Variants in ATAD1 observed in about 807,000 individuals in gnomAD.
ATAD1 encodes the protein outer mitochondrial transmembrane helix translocase.
A neutral mutation model predicts 42.7 loss-of-function variants in ATAD1; 18 were observed. That is an observed-to-expected ratio of 0.42 (90% CI 0.29 to 0.63). The LOEUF (loss-of-function observed/expected upper bound fraction) is 0.63, where lower values mean the gene tolerates loss of function less well. Among genes scored for constraint, ATAD1 ranks in the 20% least tolerant of loss-of-function variants. ATAD1 has a pLI of 0.19. For missense variants in ATAD1, 294 were observed against 440.4 expected (o/e 0.67, Z 2.98); for synonymous variants, 132 against 143.1 (o/e 0.92, Z 0.55).
intron 1 of ATAD1, among the ~76,000 whole-genome samples, chr10:87,830,923 C>T (rs548492168): frequency 6.6e-6 from 1 of 152,256 alleles, no homozygotes; most frequent in East Asian, 1.9e-4. Flanking sequence ...ATCACAGACT[C>T]TCAGGATTAA....
chr10:87,771,255 G>A (rs1434372112), intron 6 of ATAD1, among the ~76,000 whole-genome samples: 1 of 152,078 alleles, frequency 6.6e-6, no homozygotes, highest in Non-Finnish European at 1.5e-5. Flanking sequence ...GAAAACTAAT[G>A]CATTTCACTT....
Position 87,784,684 on chromosome 10 carries a change from T to C in ATAD1, c.383-14A>G, listed in dbSNP as rs1399056176. On this transcript the variant is annotated splice_polypyrimidine_tract_variant and intron_variant, in intron 4 of 9. Coordinates refer to ENST00000680024, the MANE Select transcript of ATAD1 (RefSeq NM_001321967.2). ...AGAGAAGAACACCTGGAAATGAATA[T>C]GTTATTTATTACCTTTAAGGGGATA... 1.2e-6 allele frequency: 2 copies of C among 1,604,144 alleles called. No individual in the cohort carries two copies. Among genetic ancestry groups the C allele is most frequent in the Admixed American group, 3.3e-5 (2 of 59,870 alleles).
chr10:87,761,116 A>G (rs1854464762), intron 8 of ATAD1, among the ~76,000 whole-genome samples: 1 of 152,172 alleles, frequency 6.6e-6, no homozygotes, highest in South Asian at 2.1e-4. Flanking sequence ...TCCACAATGT[A>G]TAAGTATGAC....
intron 8 of ATAD1, among the ~76,000 whole-genome samples, chr10:87,762,605 C>T (rs1158956853): frequency 1.3e-5 from 2 of 151,750 alleles, no homozygotes; most frequent in Non-Finnish European, 2.9e-5. Context: ...GCCAGGATTA[C>T]GGTTGCCAGC....
intron 8 of ATAD1, among the ~76,000 whole-genome samples, chr10:87,762,914 A>T (rs1427038929): frequency 1.8e-5 from 2 of 110,628 alleles, no homozygotes; most frequent in Admixed American, 9.3e-5. Flanking sequence ...ACTAAAAAAA[A>T]AAAAATATAT....
chr10:87,812,547 G>A (rs1233813883), intron 2 of ATAD1, among the ~76,000 whole-genome samples: 1 of 152,184 alleles, frequency 6.6e-6, no homozygotes, highest in Admixed American at 6.5e-5. Flanking sequence ...ATAGGCGTGA[G>A]CCACCACATG....
At chr10:87,814,827 G>A in intron 1 of ATAD1, 1 of 300,076 alleles carries the variant, frequency 3.3e-6, no homozygotes, top group South Asian at 1.1e-4. Flanking sequence ...ACTAGAAGTA[G>A]ACTAGAAATT....
intron 5 of ATAD1, among the ~76,000 whole-genome samples, chr10:87,783,400 C>CCTATATATATATATATA (rs1855665218): frequency 6.6e-6 from 1 of 151,390 alleles, no homozygotes; most frequent in South Asian, 2.1e-4. Flanking sequence ...AATAAACTAG[C>CCTATATATATATATATA]TATATATTCC....
intron 2 of ATAD1, among the ~76,000 whole-genome samples, chr10:87,812,593 T>C (rs1322717446): frequency 6.6e-6 from 1 of 152,080 alleles, no homozygotes; most frequent in African/African-American, 2.4e-5. Context: ...TGGTCAGAGA[T>C]GTAGGGAAGA....
chr10:87,804,394 G>C (rs1367414736), intron 2 of ATAD1, among the ~76,000 whole-genome samples: 2 of 152,090 alleles, frequency 1.3e-5, no homozygotes, highest in Non-Finnish European at 2.9e-5. Flanking sequence ...TTTTGAGACA[G>C]GGTCTTACTC....
At chr10:87,798,680 A>G (rs73352868) in intron 2 of ATAD1, among the ~76,000 whole-genome samples, 1,052 of 102,596 alleles carry the variant, frequency 0.01, 10 homozygotes, top group African/African-American at 0.036. Context: ...TATAATTTCC[A>G]TAGCTTTATG....
chr10:87,821,766 A>G (rs989225189), upstream of ATAD1, among the ~76,000 whole-genome samples: 1 of 152,204 alleles, frequency 6.6e-6, no homozygotes, highest in African/African-American at 2.4e-5. Flanking sequence ...AGTATATGCC[A>G]GTATATTGGA....
intron 2 of ATAD1, among the ~76,000 whole-genome samples, chr10:87,802,324 CTGT>C (rs1425903492): frequency 6.6e-6 from 1 of 152,108 alleles, no homozygotes; most frequent in Non-Finnish European, 1.5e-5. Context: ...GGTTTCTGAC[CTGT>C]TGTTAAGTAA....
intron 1 of ATAD1, among the ~76,000 whole-genome samples, chr10:87,838,680 G>A (rs1392934460): frequency 6.6e-6 from 1 of 152,060 alleles, no homozygotes; most frequent in African/African-American, 2.4e-5. Context: ...TGAGAGTGGG[G>A]CATCATGATG....
At chr10:87,838,329 C>T (rs1857965034) in intron 1 of ATAD1, among the ~76,000 whole-genome samples, 1 of 152,034 alleles carries the variant, frequency 6.6e-6, no homozygotes, top group South Asian at 2.1e-4. Context: ...GAGTTCAAGA[C>T]CAGCCTGGCC....
At chr10:87,825,464 C>T (rs1857709672) in intron 1 of ATAD1, among the ~76,000 whole-genome samples, 1 of 152,026 alleles carries the variant, frequency 6.6e-6, no homozygotes, top group Admixed American at 6.6e-5. Flanking sequence ...CGCCCGCCAC[C>T]ACACCCGGCT....
At chr10:87,817,725 C>G (rs948512687) in intron 1 of ATAD1, 1 of 985,146 alleles carries the variant, frequency 1.0e-6, no homozygotes, top group African/African-American at 1.7e-5. Flanking sequence ...TTTGTGAAAG[C>G]GTGCCCGGCC....
chr10:87,754,933 G>T, intron 9 of ATAD1, 126 bp from the exon 10 acceptor site: 3 of 1,161,672 alleles, frequency 2.6e-6, no homozygotes, highest in South Asian at 1.7e-5. Flanking sequence ...CTGTAGAAAA[G>T]GGTATAAAAA....
At chr10:87,769,122 T>G (rs541462292) in intron 7 of ATAD1, among the ~76,000 whole-genome samples, 1 of 152,208 alleles carries the variant, frequency 6.6e-6, no homozygotes, top group Non-Finnish European at 1.5e-5. Flanking sequence ...GTACTAACTA[T>G]TGGATTAGTG....
Sources: gnomAD v4.1 joint callset for allele counts (sites outside exome capture counted in the v4.1 genomes callset) on GRCh38, gnomAD v4.1.1 for gene constraint, MANE v1.5 for transcripts, NCBI Gene and HGNC (gene_info 2026-07-23, HGNC 2026-07-21) for gene names.